The following POU2F1 variants were observed in gnomAD, a reference collection of about 807,000 sequenced individuals.
The protein encoded by POU2F1 is POU domain, class 2, transcription factor 1.
A neutral mutation model predicts 84.9 loss-of-function variants in POU2F1; 16 were observed. That is an observed-to-expected ratio of 0.19 (90% CI 0.13 to 0.29). The LOEUF (loss-of-function observed/expected upper bound fraction) is 0.29, where lower values mean the gene tolerates loss of function less well. Ranked by LOEUF, POU2F1 falls within the 10% of genes least tolerant of loss-of-function variation. The pLI, the probability that POU2F1 is intolerant of heterozygous loss-of-function variation, is 1.00. For missense variants in POU2F1, 738 were observed against 942.6 expected (o/e 0.78, Z 2.84); for synonymous variants, 368 against 368.3 (o/e 1.00, Z 0.01).
chr1:167,344,980 C>T (rs1247607549), intron 2 of POU2F1, among the ~76,000 whole-genome samples: 1 of 152,146 alleles, frequency 6.6e-6, no homozygotes, highest in Non-Finnish European at 1.5e-5. Context: ...CGAAACACCA[C>T]ATTTTCTCAC....
intron 1 of POU2F1, among the ~76,000 whole-genome samples, chr1:167,310,547 G>A (rs1474643306): frequency 6.6e-6 from 1 of 151,960 alleles, no homozygotes; most frequent in Non-Finnish European, 1.5e-5. Context: ...AAAAAGGAGG[G>A]AGGTAGATAA....
intron 3 of POU2F1, among the ~76,000 whole-genome samples, chr1:167,366,115 A>G (rs1367305298): frequency 2.6e-5 from 4 of 152,228 alleles, no homozygotes; most frequent in Non-Finnish European, 2.9e-5. Flanking sequence ...CAGACCATGA[A>G]TTCTGTTCAT....
At chr1:167,408,352 C>T (rs550660427) in intron 13 of POU2F1, among the ~76,000 whole-genome samples, 71 of 152,240 alleles carry the variant, frequency 4.7e-4, no homozygotes, top group African/African-American at 1.6e-3. Context: ...TACCGTCCTA[C>T]CCAGCAATTT....
chr1:167,421,466 G>A lies in POU2F1; in HGVS notation c.*5656G>A, dbSNP rs1650646419. ...TCTCAGAGCATCCAGTTTGTACCCAGTTTTCTATATGGTTTGTGAACTGTA... is the reference window on the plus strand; with the variant it reads ...TCTCAGAGCATCCAGTTTGTACCCAATTTTCTATATGGTTTGTGAACTGTA... On this transcript the variant is annotated 3_prime_UTR_variant, in exon 16 of 16. Transcript: ENST00000367866. The A allele has an allele frequency of 6.6e-6, 1 of 152,138 alleles. No individual in the cohort carries two copies. Among genetic ancestry groups the A allele is most frequent in the Admixed American group, 6.5e-5 (1 of 15,278 alleles). The allele number at this position is 152,138 out of a possible 1,614,324, so 9.4% of individuals were successfully genotyped here.
chr1:167,389,510 C>A (rs1648231683), intron 8 of POU2F1, 78 bp from the exon 9 acceptor site: 2 of 1,505,404 alleles, frequency 1.3e-6, no homozygotes, highest in African/African-American at 2.8e-5. Context: ...GTGGCTCTTT[C>A]CTTCAGTTGT....
At chr1:167,302,103 T>C (rs1042359974) in intron 1 of POU2F1, among the ~76,000 whole-genome samples, 3 of 151,452 alleles carry the variant, frequency 2.0e-5, no homozygotes, top group Non-Finnish European at 4.4e-5. Context: ...AGTCTTGCTC[T>C]GTCACCCAGG....
intron 1 of POU2F1, among the ~76,000 whole-genome samples, chr1:167,330,102 G>T (rs1459441157): frequency 1.3e-5 from 2 of 152,110 alleles, no homozygotes; most frequent in African/African-American, 4.8e-5. Flanking sequence ...TTTGTGTGGA[G>T]TTATGTCTGT....
rs1459112673 is a variant in POU2F1 at position 167,416,482 on chromosome 1, G to A, written c.*672G>A. 6.2e-6 allele frequency: 1 copy of A among 160,282 alleles called. No homozygotes were observed. Among genetic ancestry groups the A allele is most frequent in the African/African-American group, 2.4e-5 (1 of 41,524 alleles). 9.9% of individuals were successfully genotyped at this position (160,282 alleles called of 1,614,324 possible). On this transcript the variant is annotated 3_prime_UTR_variant, in exon 16 of 16. Coordinates refer to ENST00000367866, the MANE Select transcript of POU2F1 (RefSeq NM_002697.4). ...TCAGTGAGCTCCCACACTGTGGGGA[G>A]GGAGGGTTTTGGGGTAAGGGGAGAC...
intron 1 of POU2F1, among the ~76,000 whole-genome samples, chr1:167,287,678 A>G (rs375319252): frequency 1.2e-4 from 18 of 152,236 alleles, no homozygotes; most frequent in African/African-American, 3.4e-4. Flanking sequence ...ATGAGGTTCA[A>G]AATGAATCTA....
At chr1:167,286,521 T>C (rs1653543023) in intron 1 of POU2F1, among the ~76,000 whole-genome samples, 1 of 152,210 alleles carries the variant, frequency 6.6e-6, no homozygotes, top group Admixed American at 6.5e-5. Context: ...TATAGCGAAG[T>C]TAAGCAGTCT....
chr1:167,399,423 T>C (rs1229243737), intron 12 of POU2F1, 58 bp downstream of exon 12: 2 of 1,428,560 alleles, frequency 1.4e-6, no homozygotes, highest in South Asian at 1.3e-5. Flanking sequence ...ATTTTACAAA[T>C]GACCTGTTAA....
At chr1:167,385,204 A>C (rs1198549203) in intron 8 of POU2F1, among the ~76,000 whole-genome samples, 1 of 152,152 alleles carries the variant, frequency 6.6e-6, no homozygotes, top group Non-Finnish European at 1.5e-5. Flanking sequence ...AAATAGAAAG[A>C]AGTAATATGT....
intron 1 of POU2F1, among the ~76,000 whole-genome samples, chr1:167,260,878 T>C (rs1478591775): frequency 6.6e-6 from 1 of 152,144 alleles, no homozygotes; most frequent in Non-Finnish European, 1.5e-5. Flanking sequence ...TTTTAGTGCA[T>C]TTAATGCACT....
intron 5 of POU2F1, 126 bp from the exon 6 acceptor site, chr1:167,373,982 C>A: frequency 1.2e-6 from 1 of 813,638 alleles, no homozygotes; most frequent in South Asian, 1.5e-5. Context: ...TAGCTGTCTG[C>A]TAAGCAAGTG....
intron 1 of POU2F1, among the ~76,000 whole-genome samples, chr1:167,320,285 A>G (rs1032175792): frequency 6.6e-6 from 1 of 152,230 alleles, no homozygotes; most frequent in African/African-American, 2.4e-5. Context: ...GAGCTGAAGT[A>G]TAGGGCGTCT....
chr1:167,367,475 A>G (rs776020609), intron 3 of POU2F1, among the ~76,000 whole-genome samples: 1 of 152,186 alleles, frequency 6.6e-6, no homozygotes, highest in Non-Finnish European at 1.5e-5. Context: ...TGATTAGCTT[A>G]CCCTGTACAA....
chr1:167,238,050 G>A (rs1296019093), intron 1 of POU2F1, among the ~76,000 whole-genome samples: 3 of 151,850 alleles, frequency 2.0e-5, no homozygotes, highest in South Asian at 2.1e-4. Flanking sequence ...CCAAAGTGCC[G>A]GGATTACAGG....
intron 2 of POU2F1, among the ~76,000 whole-genome samples, chr1:167,348,954 A>AT (rs1041189637): frequency 6.6e-6 from 1 of 151,660 alleles, no homozygotes; most frequent in African/African-American, 2.4e-5. Flanking sequence ...TAGATATCTT[A>AT]TTTTTTTTAA....
At chr1:167,413,244 G>C in intron 15 of POU2F1, 130 bp downstream of exon 15, 1 of 795,358 alleles carries the variant, frequency 1.3e-6, no homozygotes, top group South Asian at 1.7e-5. Context: ...TGATGGGAAA[G>C]AGTCAAATGC....
Sources: gnomAD v4.1 joint callset for allele counts (sites outside exome capture counted in the v4.1 genomes callset) on GRCh38, gnomAD v4.1.1 for gene constraint, MANE v1.5 for transcripts, NCBI Gene and HGNC (gene_info 2026-07-23, HGNC 2026-07-21) for gene names.